NFASC: variants seen among roughly 807,000 people sequenced by gnomAD.
NFASC encodes the protein neurofascin homolog.
Under a neutral mutation model 147.5 loss-of-function variants are expected in NFASC, and 43 were observed. That is an observed-to-expected ratio of 0.29 (90% CI 0.23 to 0.38). The LOEUF is 0.38. Among genes scored for constraint, NFASC ranks in the 10% least tolerant of loss-of-function variants. The pLI, the probability that NFASC is intolerant of heterozygous loss-of-function variation, is 1.00. For synonymous variants in NFASC, 622 were observed against 665.5 expected, an observed-to-expected ratio of 0.93 and a Z score of 1.01; for missense variants, 1,320 against 1,689.0, an observed-to-expected ratio of 0.78 and a Z score of 3.83.
rs56763796 is a variant in NFASC, at chr1:204,858,978, C to CTTTTT, written c.-200+30209_-200+30213dup. Among the ~76,000 whole-genome samples, 199 of 139,566 alleles carry CTTTTT rather than the reference C, an allele frequency of 1.4e-3. 3 individuals are homozygous for CTTTTT. Among genetic ancestry groups the CTTTTT allele is most frequent in the African/African-American group, 5.3e-3 (194 of 36,842 alleles). The allele number at this position is 139,566 out of a possible 152,430, so 91.6% of individuals were successfully genotyped here. A position where few individuals can be genotyped will look rare whatever the true frequency, so the allele number is the denominator to read the frequency against. ...TCCGCTATTCAGTTGAATGCACTGA[C>CTTTTT]TTTTTTTTTTTTTTTTTGAGACAGA... On this transcript the variant is annotated intron_variant, in intron 1 of 29. Transcript: ENST00000339876.
intron 21 of NFASC, among the ~76,000 whole-genome samples, chr1:204,985,002 T>C (rs975340214): frequency 2.6e-5 from 4 of 152,166 alleles, no homozygotes; most frequent in South Asian, 4.1e-4. Flanking sequence ...ATTTGGCCAG[T>C]AGGGGAAAGA....
intron 2 of NFASC, among the ~76,000 whole-genome samples, chr1:204,935,604 A>G (rs1230155276): frequency 1.3e-5 from 2 of 152,198 alleles, no homozygotes; most frequent in Non-Finnish European, 2.9e-5. Context: ...CTTGTGTGTC[A>G]GGACTGTACT....
At chr1:204,934,715 C>G (rs58286082) in intron 2 of NFASC, among the ~76,000 whole-genome samples, 2,253 of 152,304 alleles carry the variant, frequency 0.015, 50 homozygotes, top group African/African-American at 0.051. Flanking sequence ...TCATGAATCA[C>G]ATTGCCGCCT....
At position 205,002,653 on chromosome 1, in the gene NFASC, C is replaced by T. The variant is rs759575324; in HGVS notation, c.3194C>T (p.Thr1065Ile). Residue 1065 changes from threonine to isoleucine, a missense_variant, in exon 27 of 30, where the codon ACA becomes ATA. Thr to Ile is a moderately conservative substitution (Grantham distance 89). This residue lies in a region of NFASC where 172 missense variants were observed against 165.8 expected (regional missense o/e 1.04). Coordinates refer to ENST00000339876, the MANE Select transcript of NFASC (RefSeq NM_001005388.3). ...GCCCAGGCTCAGCCTATACAGCTGA[C>T]AGACCTCTATCCCGGGATGACATAC... Reference protein sequence around the residue: ...VKAQAQPIQLTDLYPGMTYTL... With the variant: ...VKAQAQPIQLIDLYPGMTYTL... 4 of 1,584,658 alleles carry T rather than the reference C, an allele frequency of 2.5e-6. No individual in the cohort carries two copies. In the African/African-American group the frequency reaches 4.0e-5, roughly 16 times the overall value.
rs548278364 is a variant in NFASC at position 204,880,032 on chromosome 1, G to A, written c.-199-40600G>A. On this transcript the variant is annotated intron_variant, in intron 1 of 29. Transcript: ENST00000339876. ...CTCTGCATGGAGGCCTACCTTGTGA[G>A]TGTGAACACATTTTCTAGAGCCAGA... Among the ~76,000 whole-genome samples, 45 of 152,298 alleles carry A rather than the reference G, an allele frequency of 3.0e-4. 1 individual carries two copies. The highest frequency in any genetic ancestry group is 9.6e-4 in the African/African-American group (40 of 41,562).
At chr1:204,832,588 A>G (rs1485171791) in intron 1 of NFASC, among the ~76,000 whole-genome samples, 1 of 152,166 alleles carries the variant, frequency 6.6e-6, no homozygotes, top group African/African-American at 2.4e-5. Context: ...AAAATAGCCT[A>G]AGGAGAGAGA....
chr1:204,977,027 A>G, intron 16 of NFASC: 1 of 1,299,582 alleles, frequency 7.7e-7, no homozygotes, highest in Non-Finnish European at 9.8e-7. Context: ...CCACGTCTCA[A>G]CTGAAAGGGG....
intron 1 of NFASC, among the ~76,000 whole-genome samples, chr1:204,861,969 G>A (rs977218527): frequency 2.6e-5 from 4 of 152,158 alleles, no homozygotes; most frequent in Non-Finnish European, 5.9e-5. Context: ...CATTAACAAT[G>A]GGGTGATTTC....
chr1:204,927,711 C>T (rs2149528465), intron 2 of NFASC, among the ~76,000 whole-genome samples: 1 of 152,332 alleles, frequency 6.6e-6, no homozygotes, highest in East Asian at 1.9e-4. Context: ...ACCTCACCAT[C>T]CCCCTCCCTC....
intron 21 of NFASC, chr1:204,984,062 G>C (rs1463623714): frequency 6.2e-7 from 1 of 1,614,038 alleles, no homozygotes; most frequent in Non-Finnish European, 8.5e-7. Flanking sequence ...TAAAGTCCGA[G>C]TCATGAACAG....
intron 1 of NFASC, among the ~76,000 whole-genome samples, chr1:204,841,849 A>G (rs570901404): frequency 6.6e-6 from 1 of 152,198 alleles, no homozygotes; most frequent in African/African-American, 2.4e-5. Flanking sequence ...CACTGAGATG[A>G]GGTCTGATGT....
Position 204,877,015 on chromosome 1 carries a change from TATATATATATATAATA to T in NFASC, c.-199-43616_-199-43601del, listed in dbSNP as rs1572354911. On this transcript the variant is annotated intron_variant, in intron 1 of 29. Transcript: ENST00000339876. ...AAATATGTATATATATATATATATA[TATATATATATATAATA>T]TATATTTATATATATATAATATATT... Among the ~76,000 whole-genome samples the T allele has an allele frequency of 8.2e-5, 9 of 110,094 alleles. 1 individual carries two copies. The Admixed American group carries it at 8.4e-4, about 10-fold the overall frequency. The allele number at this position is 110,094 out of a possible 152,430, so 72.2% of individuals were successfully genotyped here. A position where few individuals can be genotyped will look rare whatever the true frequency, so the allele number is the denominator to read the frequency against.
chr1:204,855,145 G>A (rs1475330454), intron 1 of NFASC, among the ~76,000 whole-genome samples: 2 of 152,242 alleles, frequency 1.3e-5, no homozygotes, highest in African/African-American at 4.8e-5. Flanking sequence ...CAGCAACAGT[G>A]CTCTTCGCAC....
chr1:204,882,080 G>A (rs1051327771), intron 1 of NFASC, among the ~76,000 whole-genome samples: 1 of 152,120 alleles, frequency 6.6e-6, no homozygotes, highest in African/African-American at 2.4e-5. Flanking sequence ...TGTATTCAGA[G>A]TTGAGCCCAA....
chr1:204,979,128 G>A lies in NFASC; in HGVS notation c.1978+59G>A, dbSNP rs540183594. On this transcript the variant is annotated intron_variant, in intron 18 of 29. Transcript: ENST00000339876. This position sits in a 1 kb window ranked among gnomAD's most constrained non-coding sequence, Gnocchi z 6.0. ...AGAGGGACGGCAACACCCTTAAACC[G>A]AAGGCCTTTCCTGGTTTCCAGCCCC... The A allele has an allele frequency of 1.7e-4, 240 of 1,402,320 alleles. No homozygotes were observed. The highest frequency in any genetic ancestry group is 1.7e-3 in the African/African-American group (118 of 70,068). The allele number at this position is 1,402,320 out of a possible 1,614,324, so 86.9% of individuals were successfully genotyped here.
chr1:204,927,970 G>A (rs141843071), intron 2 of NFASC, among the ~76,000 whole-genome samples: 218 of 152,320 alleles, frequency 1.4e-3, no homozygotes, highest in African/African-American at 4.5e-3. Context: ...GCTCTTCTCC[G>A]TGGTGGTGGG....
intron 8 of NFASC, among the ~76,000 whole-genome samples, chr1:204,966,232 CTG>C (rs1375003786): frequency 2.0e-5 from 3 of 152,188 alleles, no homozygotes; most frequent in Non-Finnish European, 4.4e-5. Context: ...CAGCAGAACT[CTG>C]TGCTAAATTT....
At chr1:204,883,827 C>A (rs2080793349) in intron 1 of NFASC, among the ~76,000 whole-genome samples, 1 of 152,196 alleles carries the variant, frequency 6.6e-6, no homozygotes, top group African/African-American at 2.4e-5. Flanking sequence ...CTTTACAAGC[C>A]ACACAGTGAC....
chr1:204,965,818 A>G (rs191142724), intron 8 of NFASC, among the ~76,000 whole-genome samples: 3 of 152,362 alleles, frequency 2.0e-5, no homozygotes, highest in Admixed American at 1.3e-4. Context: ...CAGAGAGGCA[A>G]TGTAGAGTGG....
Sources: allele counts gnomAD v4.1 joint callset (sites outside exome capture counted in the v4.1 genomes callset), GRCh38; gene constraint gnomAD v4.1.1; regional missense constraint gnomAD v4.1.1; non-coding constraint Gnocchi (gnomAD v3.1); transcripts MANE v1.5; gene names NCBI Gene and HGNC (gene_info 2026-07-23, HGNC 2026-07-21).